The following NUSAP1 variants were observed in gnomAD, a reference collection of about 807,000 sequenced individuals.
NUSAP1 encodes nucleolar and spindle-associated protein 1.
A neutral mutation model predicts 52.8 loss-of-function variants in NUSAP1; 32 were observed. That is an observed-to-expected ratio of 0.61 (90% CI 0.46 to 0.81). The LOEUF (loss-of-function observed/expected upper bound fraction) is 0.81. NUSAP1 is among the 40% of genes least tolerant of loss of function. The pLI, the probability that NUSAP1 is intolerant of heterozygous loss-of-function variation, is 0.00. For missense variants in NUSAP1, 499 were observed against 522.3 expected (o/e 0.96, Z 0.43); for synonymous variants, 195 against 183.1 (o/e 1.06, Z -0.52).
chr15:41,356,043 C>T lies in NUSAP1; in HGVS notation c.453C>T (p.Asn151=). 1 of 1,582,364 alleles carries T rather than the reference C, an allele frequency of 6.3e-7. No individual in the cohort carries two copies. The highest frequency in any genetic ancestry group is 8.7e-7 in the Non-Finnish European group (1 of 1,155,130). The part of the protein sequence containing the change: ...QEAENAVSSG[N]RDSKVPSEGK... Reference sequence around the variant, plus strand: ...TTTCTGTGTCTTTGGATTTAGGTAACAGAGATTCAAAGGTACCTTCAGAAG... The same window carrying T: ...TTTCTGTGTCTTTGGATTTAGGTAATAGAGATTCAAAGGTACCTTCAGAAG... Residue 151 remains asparagine, a synonymous_variant, in exon 5 of 11, where the codon AAC becomes AAT. Coordinates refer to ENST00000559596, the MANE Select transcript of NUSAP1 (RefSeq NM_016359.5).
chr15:41,341,436 G>C lies in NUSAP1; in HGVS notation c.94-950G>C, dbSNP rs183290957. 6.9e-4 allele frequency among the ~76,000 whole-genome samples: 105 copies of C among 152,244 alleles called. 2 individuals carry two copies. Among genetic ancestry groups the C allele is most frequent in the Non-Finnish European group, 1.3e-4 (9 of 68,008 alleles). On this transcript the variant is annotated intron_variant, in intron 1 of 10. Coordinates refer to ENST00000559596, the MANE Select transcript of NUSAP1 (RefSeq NM_016359.5). Reference sequence around the variant, plus strand: ...TTGTTCTTTCAGGAAAGAACAAGAAGGGAGGTTTTCCTAGGCTGGGAAGAG... The same window carrying C: ...TTGTTCTTTCAGGAAAGAACAAGAACGGAGGTTTTCCTAGGCTGGGAAGAG...
intron 7 of NUSAP1, among the ~76,000 whole-genome samples, chr15:41,369,292 T>A (rs2140808847): frequency 6.6e-6 from 1 of 152,278 alleles, no homozygotes; most frequent in South Asian, 2.1e-4. Flanking sequence ...AAGTTTAGAA[T>A]TCTATTTATT....
At chr15:41,349,749 TTTTTCTTTTTTC>T (rs1389368096) in intron 3 of NUSAP1, among the ~76,000 whole-genome samples, 1 of 150,058 alleles carries the variant, frequency 6.7e-6, no homozygotes, top group African/African-American at 2.4e-5. Flanking sequence ...CACAGTCTTT[TTTTTCTTTTTTC>T]TTTTCTTTTT....
chr15:41,363,787 AG>A (rs1178246949), intron 6 of NUSAP1, among the ~76,000 whole-genome samples: 1 of 152,172 alleles, frequency 6.6e-6, no homozygotes, highest in Non-Finnish European at 1.5e-5. Flanking sequence ...TGCTTGCAAC[AG>A]ATGTTAGACT....
intron 9 of NUSAP1, among the ~76,000 whole-genome samples, chr15:41,376,483 C>G (rs1439274420): frequency 6.6e-6 from 1 of 151,180 alleles, no homozygotes; most frequent in Non-Finnish European, 1.5e-5. Flanking sequence ...TTCAGGAGAT[C>G]GAGACCATCC....
intron 2 of NUSAP1, among the ~76,000 whole-genome samples, chr15:41,344,695 C>T (rs1041031146): frequency 1.3e-5 from 2 of 152,020 alleles, no homozygotes; most frequent in South Asian, 2.1e-4. Flanking sequence ...AATACCAGCA[C>T]TTCGGAAGGC....
At chr15:41,339,938 C>T (rs1242234653) in intron 1 of NUSAP1, among the ~76,000 whole-genome samples, 4 of 151,796 alleles carry the variant, frequency 2.6e-5, no homozygotes, top group Non-Finnish European at 5.9e-5. Flanking sequence ...CCCACCACCA[C>T]GCCCAGCTAT....
At chr15:41,335,997 G>A (rs1424525306) in intron 1 of NUSAP1, among the ~76,000 whole-genome samples, 2 of 150,972 alleles carry the variant, frequency 1.3e-5, no homozygotes, top group Non-Finnish European at 2.9e-5. Context: ...ATGGTGGCTT[G>A]CACCTGTAAT....
chr15:41,363,627 C>G (rs911484005), intron 6 of NUSAP1, among the ~76,000 whole-genome samples: 2 of 152,074 alleles, frequency 1.3e-5, no homozygotes, highest in African/African-American at 4.8e-5. Flanking sequence ...CCCTCTTCTG[C>G]CTCCCAAAGT....
chr15:41,357,513 G>C (rs1163540838), intron 5 of NUSAP1, among the ~76,000 whole-genome samples: 2 of 151,268 alleles, frequency 1.3e-5, no homozygotes, highest in Non-Finnish European at 2.9e-5. Context: ...GCGCAATCTA[G>C]GCTCACTGCA....
At chr15:41,373,708 A>G (rs2049808195) in intron 8 of NUSAP1, among the ~76,000 whole-genome samples, 1 of 151,954 alleles carries the variant, frequency 6.6e-6, no homozygotes, top group African/African-American at 2.4e-5. Context: ...TCGGCCTGCC[A>G]AAGTGCTGGG....
intron 2 of NUSAP1, 124 bp from the exon 3 acceptor site, chr15:41,348,974 T>C: frequency 1.1e-6 from 1 of 927,716 alleles, no homozygotes; most frequent in Non-Finnish European, 1.6e-6. Flanking sequence ...AATTTACCGC[T>C]AGAGAGTTTT....
At chr15:41,364,313 T>A (rs2049300648) in intron 6 of NUSAP1, among the ~76,000 whole-genome samples, 1 of 152,044 alleles carries the variant, frequency 6.6e-6, no homozygotes, top group African/African-American at 2.4e-5. Context: ...TTTGGGAGGC[T>A]GAGGCAGGCA....
At chr15:41,355,467 C>A (rs1468653653) in intron 4 of NUSAP1, among the ~76,000 whole-genome samples, 1 of 150,796 alleles carries the variant, frequency 6.6e-6, no homozygotes, top group Non-Finnish European at 1.5e-5. Flanking sequence ...CACCGCGGCG[C>A]CTGACCAACT....
chr15:41,344,462 CCCTG>C (rs1567043995), intron 2 of NUSAP1, among the ~76,000 whole-genome samples: 2 of 151,396 alleles, frequency 1.3e-5, no homozygotes, highest in Non-Finnish European at 2.9e-5. Flanking sequence ...CACGGTGAAA[CCCTG>C]TCTCTACTAA....
intron 7 of NUSAP1, among the ~76,000 whole-genome samples, chr15:41,368,906 T>C (rs2049542706): frequency 6.6e-6 from 1 of 151,774 alleles, no homozygotes; most frequent in African/African-American, 2.4e-5. Flanking sequence ...TTAATTCTTT[T>C]TTTTGTTTGT....
chr15:41,376,914 A>C (rs555025748), intron 9 of NUSAP1, among the ~76,000 whole-genome samples: 1 of 151,464 alleles, frequency 6.6e-6, no homozygotes, highest in South Asian at 2.1e-4. Context: ...GTCTCTACTA[A>C]AAAATACAAA....
Position 41,375,714 on chromosome 15 carries a change from A to G in NUSAP1, c.1009A>G (p.Ile337Val), listed in dbSNP as rs1303566382. ...GGGTTTTTTCGGTGTGTTTTTAGTT[A>G]TTACCCCATTCAAGTTGACAACTGA... ...KTITGNSAAV[I>V]TPFKLTTEAT... The change falls in exon 9 of 11, where the codon ATT (isoleucine) becomes GTT (valine). Residue 337 changes from isoleucine to valine, a missense_variant and splice_region_variant. Transcript: ENST00000559596. 6.2e-7 allele frequency: 1 copy of G among 1,602,434 alleles called. No individual in the cohort carries two copies. The highest frequency in any genetic ancestry group is 8.6e-7 in the Non-Finnish European group (1 of 1,169,530).
chr15:41,372,963 C>G lies in NUSAP1; in HGVS notation c.1006+1279C>G, dbSNP rs138033199. ...ATTAGCCGGGCATGGTGGCATGCAC[C>G]TATCATCCCAACTACTCAAGAGGCT... is the stretch of plus-strand genomic sequence containing the variant. On this transcript the variant is annotated intron_variant, in intron 8 of 10. Coordinates refer to ENST00000559596, the MANE Select transcript of NUSAP1 (RefSeq NM_016359.5). 2.5e-4 allele frequency among the ~76,000 whole-genome samples: 38 copies of G among 151,874 alleles called. 1 individual carries two copies. The East Asian group carries it at 6.8e-3, about 27-fold the overall frequency.
Sources: gnomAD v4.1 joint callset for allele counts (sites outside exome capture counted in the v4.1 genomes callset) on GRCh38, gnomAD v4.1.1 for gene constraint, MANE v1.5 for transcripts, NCBI Gene and HGNC (gene_info 2026-07-23, HGNC 2026-07-21) for gene names.